The following XIST variants were observed in gnomAD, a reference collection of about 807,000 sequenced individuals.
The protein encoded by XIST is X inactive specific transcript, also known as X inactive specific transcript (non-protein coding).
chrX:73,846,177 C>T lies in XIST; in HGVS notation n.6547G>A, dbSNP rs762078640. ...GGGACAAACATAATCACACGCATAC[C>T]AGGCCAGGAAAAAGGGCCTTGGTGA... On this transcript the variant is annotated non_coding_transcript_exon_variant, in exon 1 of 6. Coordinates refer to ENST00000429829, the Ensembl canonical transcript of XIST. 1.1e-5 allele frequency: 6 copies of T among 556,709 alleles called. No homozygotes were observed. In the South Asian group the frequency reaches 1.1e-4, roughly 10 times the overall value. The allele number at this position is 556,709 out of a possible 1,213,427, so 45.9% of individuals were successfully genotyped here. A position where few individuals can be genotyped will look rare whatever the true frequency, so the allele number is the denominator to read the frequency against.
At chrX:73,841,459 C>A (rs752484086) in exon 1 of XIST, 1 of 557,537 alleles carries the variant, frequency 1.8e-6, no homozygotes, top group Admixed American at 2.2e-5. Flanking sequence ...TGAGCTGGGC[C>A]GATCTTTTGA....
chrX:73,828,041 G>A, intron 5 of XIST: 1 of 461,366 alleles, frequency 2.2e-6, no homozygotes, highest in Non-Finnish European at 3.8e-6. Context: ...TAGTAGAAGA[G>A]GCAAGATACA....
chrX:73,844,991 A>G (rs759271681), exon 1 of XIST: 3 of 552,642 alleles, frequency 5.4e-6, no homozygotes, highest in Non-Finnish European at 9.8e-6. Flanking sequence ...GACAAATATA[A>G]TCACATACGT....
Position 73,829,044 on chromosome X carries a change from A to G in XIST, n.11916+24T>C, listed in dbSNP as rs750124366. 129 of 549,866 alleles carry G rather than the reference A, an allele frequency of 2.3e-4. 1 individual carries two copies. In the Admixed American group the frequency reaches 2.8e-3, roughly 12 times the overall value. The allele number at this position is 549,866 out of a possible 1,213,427, so 45.3% of individuals were successfully genotyped here. A position where few individuals can be genotyped will look rare whatever the true frequency, so the allele number is the denominator to read the frequency against. On this transcript the variant is annotated intron_variant and non_coding_transcript_variant, in intron 5 of 5. Transcript: ENST00000429829. ...ATAACAGTTCTGAAGTGATCCTCAC[A>G]GGACTGCAACATCAACAACTTACTT...
chrX:73,846,374 C>A (rs780926210), exon 1 of XIST: 5 of 559,147 alleles, frequency 8.9e-6, no homozygotes, highest in Admixed American at 2.2e-5. Flanking sequence ...GCACTCCCTG[C>A]TGGAAGGGAA....
At chrX:73,823,406 A>T in exon 6 of XIST, 1 of 512,760 alleles carries the variant, frequency 2.0e-6, no homozygotes, top group East Asian at 3.6e-5. Context: ...GAGAATAGGC[A>T]TTGAAATATT....
chrX:73,822,181 C>T (rs1339320148), exon 6 of XIST: 2 of 556,873 alleles, frequency 3.6e-6, no homozygotes, highest in Non-Finnish European at 6.5e-6. Context: ...CCTCCTGCTG[C>T]CCAGCAGTGG....
exon 1 of XIST, chrX:73,848,696 G>A (rs1922836982): frequency 5.4e-6 from 3 of 558,511 alleles, no homozygotes; most frequent in Non-Finnish European, 9.7e-6. Flanking sequence ...GGGATGGGGT[G>A]AGAATCCATT....
exon 2 of XIST, chrX:73,837,500 G>A (rs1421096616): frequency 2.0e-6 from 1 of 506,858 alleles, no homozygotes; most frequent in Admixed American, 2.7e-5. Context: ...TCTTCAATGG[G>A]ATCCTGGAAC....
At position 73,829,080 on chromosome X, in the gene XIST, T is replaced by C. The variant is rs375769430; in HGVS notation, n.11904A>G. 9 of 556,528 alleles carry C rather than the reference T, an allele frequency of 1.6e-5. No individual in the cohort carries two copies. In the African/African-American group the frequency reaches 2.0e-4, roughly 12 times the overall value. The allele number at this position is 556,528 out of a possible 1,213,427, so 45.9% of individuals were successfully genotyped here. ...ATCAACAACTTACTTCATTCAGCTA[T>C]CCTCAAGTGCTAGAGTGCCAGGCAT... On this transcript the variant is annotated non_coding_transcript_exon_variant, in exon 5 of 6. Transcript: ENST00000429829.
At chrX:73,827,728 T>C (rs1490435593) in exon 6 of XIST, 1 of 549,203 alleles carries the variant, frequency 1.8e-6, no homozygotes, top group East Asian at 3.3e-5. Flanking sequence ...GCACACAGCA[T>C]GTGACCCAAA....
intron 1 of XIST, among the ~76,000 whole-genome samples, chrX:73,837,978 TA>T (rs764851573): frequency 8.9e-6 from 1 of 111,820 alleles, no homozygotes; most frequent in East Asian, 2.8e-4. Flanking sequence ...AGTTATTTTT[TA>T]AAAAAACATT....
chrX:73,838,600 T>C (rs1922528300), intron 1 of XIST, among the ~76,000 whole-genome samples: 1 of 111,379 alleles, frequency 9.0e-6, no homozygotes, highest in African/African-American at 3.3e-5. Context: ...CCAAGCTCCA[T>C]GTATCAGTAC....
At chrX:73,843,233 C>G in exon 1 of XIST, 1 of 558,723 alleles carries the variant, frequency 1.8e-6, no homozygotes, top group East Asian at 3.2e-5. Context: ...ATATCCCACT[C>G]TACCAGAAGG....
chrX:73,840,232 G>A (rs1319166132), intron 1 of XIST, among the ~76,000 whole-genome samples: 1 of 111,414 alleles, frequency 9.0e-6, no homozygotes, highest in Non-Finnish European at 1.9e-5. Flanking sequence ...CAATGGCACA[G>A]ACCATGTTTC....
rs774135425 is a variant in XIST, at chrX:73,822,843, T to C, written n.17058A>G. 1.6e-5 allele frequency: 9 copies of C among 558,952 alleles called. No homozygotes were observed. In the East Asian group the frequency reaches 2.9e-4, roughly 18 times the overall value. The allele number at this position is 558,952 out of a possible 1,213,427, so 46.1% of individuals were successfully genotyped here. A position where few individuals can be genotyped will look rare whatever the true frequency, so the allele number is the denominator to read the frequency against. ...CAACGCATGTCAAAGGTGATCTGTT[T>C]AGTTTTTCCTTAGTATCGAACATAT... On this transcript the variant is annotated non_coding_transcript_exon_variant, in exon 6 of 6. Transcript: ENST00000429829.
intron 2 of XIST, among the ~76,000 whole-genome samples, chrX:73,837,103 C>A (rs1922497424): frequency 9.0e-6 from 1 of 111,693 alleles, no homozygotes; most frequent in African/African-American, 3.3e-5. Context: ...TAAGTGCTGG[C>A]TGCACATAGT....
At chrX:73,824,911 G>A (rs778414157) in exon 6 of XIST, 1 of 549,403 alleles carries the variant, frequency 1.8e-6, no homozygotes, top group Non-Finnish European at 3.3e-6. Flanking sequence ...TATTACATAG[G>A]AGAATTAATC....
exon 6 of XIST, chrX:73,821,107 G>T (rs780679608): frequency 1.8e-6 from 1 of 558,227 alleles, no homozygotes; most frequent in South Asian, 2.2e-5. Flanking sequence ...CTGAAGAAAG[G>T]GGTGTTACTG....
Sources: allele counts gnomAD v4.1 joint callset (sites outside exome capture counted in the v4.1 genomes callset), GRCh38; gene constraint gnomAD v4.1.1; transcripts MANE v1.5; gene names NCBI Gene and HGNC (gene_info 2026-07-23, HGNC 2026-07-21).